The following GFOD1 variants were observed in gnomAD, a reference collection of about 807,000 sequenced individuals.
GFOD1 encodes the protein glucose-fructose oxidoreductase domain-containing protein 1.
In GFOD1, 9 loss-of-function variants were observed where a neutral mutation model predicts 25.4. That is an observed-to-expected ratio of 0.35 (90% confidence interval 0.21 to 0.62). The LOEUF is 0.62. Ranked by LOEUF, GFOD1 falls within the 20% of genes least tolerant of loss-of-function variation. GFOD1 has a pLI of 0.72. For synonymous variants in GFOD1, 253 were observed against 245.6 expected (o/e 1.03, Z -0.28); for missense variants, 403 against 556.9 (o/e 0.72, Z 2.78).
chr6:13,443,595 C>T (rs1049711032), intron 1 of GFOD1, among the ~76,000 whole-genome samples: 11 of 152,026 alleles, frequency 7.2e-5, no homozygotes, highest in Non-Finnish European at 1.3e-4. Context: ...GTGGGTGGAT[C>T]GCTTGAGGTC....
At chr6:13,464,101 C>A (rs192295862) in intron 1 of GFOD1, among the ~76,000 whole-genome samples, 1 of 152,218 alleles carries the variant, frequency 6.6e-6, no homozygotes, top group Non-Finnish European at 1.5e-5. Context: ...GATTTACCCC[C>A]ACTCATTTTC....
intron 1 of GFOD1, among the ~76,000 whole-genome samples, chr6:13,398,678 C>A (rs182979587): frequency 2.0e-3 from 306 of 152,304 alleles, no homozygotes; most frequent in African/African-American, 6.7e-3. Flanking sequence ...CAGCTGCCTG[C>A]AGGCAGAAAG....
In GFOD1 at chr6:13,473,628, A is replaced by T. The variant is rs533471782; in HGVS notation, c.253+13010T>A. On this transcript the variant is annotated intron_variant, in intron 1 of 1. Coordinates refer to ENST00000379287, the MANE Select transcript of GFOD1 (RefSeq NM_018988.4). ...TAAACCATTCTAACTTTGCTCTAGC[A>T]GGTCAACTGCAAGCCACACAGTTTA... Among the ~76,000 whole-genome samples, 11 of 152,386 alleles carry T rather than the reference A, an allele frequency of 7.2e-5. No individual in the cohort carries two copies. In the South Asian group the frequency reaches 2.3e-3, roughly 32 times the overall value.
intron 1 of GFOD1, among the ~76,000 whole-genome samples, chr6:13,472,940 C>G (rs1332242213): frequency 1.1e-4 from 16 of 152,192 alleles, no homozygotes; most frequent in Non-Finnish European, 1.5e-5. Context: ...CAAACCATCT[C>G]CCAAGATGGC....
At chr6:13,431,919 T>C (rs1757755556) in intron 1 of GFOD1, among the ~76,000 whole-genome samples, 1 of 152,168 alleles carries the variant, frequency 6.6e-6, no homozygotes, top group African/African-American at 2.4e-5. Flanking sequence ...ACGGCAGATT[T>C]CATGAAAAAA....
chr6:13,370,340 G>A (rs570160320), intron 1 of GFOD1, among the ~76,000 whole-genome samples: 10 of 152,330 alleles, frequency 6.6e-5, no homozygotes, highest in South Asian at 6.2e-4. Flanking sequence ...GCCCATGCAC[G>A]GATCCCCTCC....
intron 1 of GFOD1, among the ~76,000 whole-genome samples, chr6:13,440,698 T>C (rs776250030): frequency 6.6e-6 from 1 of 152,234 alleles, no homozygotes; most frequent in Non-Finnish European, 1.5e-5. Context: ...ACCAGATATG[T>C]TTCCTATTAA....
chr6:13,460,631 C>A (rs1438101451), intron 1 of GFOD1, among the ~76,000 whole-genome samples: 1 of 152,060 alleles, frequency 6.6e-6, no homozygotes, highest in African/African-American at 2.4e-5. Context: ...CACATGGACA[C>A]AGGGAGGGGA....
At chr6:13,390,777 G>GGAAGGA (rs1195738735) in intron 1 of GFOD1, among the ~76,000 whole-genome samples, 1,847 of 75,428 alleles carry the variant, frequency 0.024, 70 homozygotes, top group African/African-American at 0.069. Flanking sequence ...GAGAGAGAGA[G>GGAAGGA]AGAAAGGAAG....
rs553048876 is a variant in GFOD1, at chr6:13,361,404, G to C, written c.*3339C>G. ...AAACAGGCATGCAGGAACTAAATGG[G>C]AAGACTCTTAAAGCACTGCCTCCTT... is the stretch of plus-strand genomic sequence containing the variant. On this transcript the variant is annotated 3_prime_UTR_variant, in exon 2 of 2. Transcript: ENST00000379287. 1 of 156,044 alleles carries C rather than the reference G, an allele frequency of 6.4e-6. No individual in the cohort carries two copies. The highest frequency in any genetic ancestry group is 1.9e-4 in the South Asian group (1 of 5,184). The allele number at this position is 156,044 out of a possible 1,614,324, so 9.7% of individuals were successfully genotyped here. A position where few individuals can be genotyped will look rare whatever the true frequency, so the allele number is the denominator to read the frequency against.
intron 1 of GFOD1, among the ~76,000 whole-genome samples, chr6:13,453,854 T>C (rs1277377409): frequency 6.6e-6 from 1 of 152,180 alleles, no homozygotes; most frequent in Non-Finnish European, 1.5e-5. Flanking sequence ...TAACCTATGA[T>C]CACATGACCT....
At chr6:13,485,198 C>T (rs529726194) in intron 1 of GFOD1, among the ~76,000 whole-genome samples, 1 of 152,336 alleles carries the variant, frequency 6.6e-6, no homozygotes, top group East Asian at 1.9e-4. Context: ...TCAGATGTTG[C>T]ATCTGAGTCA....
intron 1 of GFOD1, among the ~76,000 whole-genome samples, chr6:13,454,505 C>G (rs748911901): frequency 1.3e-5 from 2 of 152,078 alleles, no homozygotes; most frequent in Admixed American, 1.3e-4. Context: ...CACTGGCATG[C>G]CCCCAAGTCC....
rs76697239 is a variant in GFOD1, at chr6:13,464,355, C to T, written c.253+22283G>A. Among the ~76,000 whole-genome samples the T allele has an allele frequency of 2.1e-3, 323 of 152,332 alleles. 2 individuals are homozygous for T. Among genetic ancestry groups the T allele is most frequent in the African/African-American group, 6.4e-3 (268 of 41,562 alleles). On this transcript the variant is annotated intron_variant, in intron 1 of 1. Coordinates refer to ENST00000379287, the MANE Select transcript of GFOD1 (RefSeq NM_018988.4). ...CACAGCTGAGCCAGCATCCATGCTA[C>T]GGGTTGTGAAGTCCTGCCCTTCTAT... is the stretch of plus-strand genomic sequence containing the variant.
chr6:13,470,383 A>G lies in GFOD1; in HGVS notation c.253+16255T>C, dbSNP rs1758473364. On this transcript the variant is annotated intron_variant, in intron 1 of 1. Coordinates refer to ENST00000379287, the MANE Select transcript of GFOD1 (RefSeq NM_018988.4). Reference sequence around the variant, plus strand: ...AGCATTGTGGTCCCCGTGGGCCTCCAGGGAAAGCCAGGCTGCCTCTGTGCC... The same window carrying G: ...AGCATTGTGGTCCCCGTGGGCCTCCGGGGAAAGCCAGGCTGCCTCTGTGCC... 2.1e-5 allele frequency: 33 copies of G among 1,549,478 alleles called. 1 individual carries two copies. The South Asian group carries it at 3.9e-4, about 18-fold the overall frequency.
intron 1 of GFOD1, among the ~76,000 whole-genome samples, chr6:13,468,557 C>T (rs1050397291): frequency 7.2e-5 from 11 of 152,170 alleles, no homozygotes; most frequent in Non-Finnish European, 1.3e-4. Context: ...GCACAGTTCC[C>T]CAGTGATTAA....
At chr6:13,431,858 A>G (rs1194536165) in intron 1 of GFOD1, among the ~76,000 whole-genome samples, 1 of 152,256 alleles carries the variant, frequency 6.6e-6, no homozygotes, top group East Asian at 1.9e-4. Flanking sequence ...GCCTGCCTTC[A>G]AAATCCAAAG....
intron 1 of GFOD1, among the ~76,000 whole-genome samples, chr6:13,482,092 TTA>T (rs1046508476): frequency 4.3e-4 from 64 of 149,276 alleles, no homozygotes; most frequent in Middle Eastern, 3.6e-3. Context: ...TATGTATATA[TTA>T]TATGTTATAT....
intron 1 of GFOD1, among the ~76,000 whole-genome samples, chr6:13,403,053 C>T (rs1219840371): frequency 2.7e-5 from 4 of 149,686 alleles, no homozygotes; most frequent in Admixed American, 2.0e-4. Context: ...ATACAGTGTA[C>T]TTACACAAAC....
Sources: gnomAD v4.1 joint callset for allele counts (sites outside exome capture counted in the v4.1 genomes callset) on GRCh38, gnomAD v4.1.1 for gene constraint, MANE v1.5 for transcripts, NCBI Gene and HGNC (gene_info 2026-07-23, HGNC 2026-07-21) for gene names.